Variants in ARHGAP9 observed in about 807,000 individuals in gnomAD.
The protein encoded by ARHGAP9 is rho GTPase-activating protein 9.
Under a neutral mutation model 87.3 loss-of-function variants are expected in ARHGAP9, and 76 were observed. The ratio of observed to expected loss-of-function variants is 0.87; its 90% CI spans 0.72 to 1.05. The LOEUF is 1.05. Among genes scored for constraint, ARHGAP9 ranks in the 50% least tolerant of loss-of-function variants. The probability of loss-of-function intolerance (pLI) is 0.00; values close to 1 mark genes in which losing one functional copy is unlikely to be tolerated. For synonymous variants in ARHGAP9, 382 were observed against 394.9 expected (o/e 0.97, Z 0.39); for missense variants, 941 against 960.5 (o/e 0.98, Z 0.27).
At chr12:57,475,714 G>T (rs1020669924) in intron 10 of ARHGAP9, 99 bp from the exon 11 acceptor site, 189 of 1,548,920 alleles carry the variant, frequency 1.2e-4, no homozygotes, top group Non-Finnish European at 1.6e-4. Flanking sequence ...TCCCGGCCCA[G>T]GCAAGGGCTC....
chr12:57,481,256 C>T (rs1594796208), upstream of ARHGAP9, among the ~76,000 whole-genome samples: 3 of 151,854 alleles, frequency 2.0e-5, no homozygotes, highest in South Asian at 4.1e-4. Flanking sequence ...CTTTCTTCTT[C>T]TCTTTTTTTT....
At chr12:57,476,514 G>A (rs923872917) in intron 7 of ARHGAP9, 60 bp from the exon 8 acceptor site, 24 of 1,610,884 alleles carry the variant, frequency 1.5e-5, no homozygotes, top group Admixed American at 8.3e-5. Flanking sequence ...ATGACACGAG[G>A]AGGGTGCTCT....
At position 57,475,281 on chromosome 12, in the gene ARHGAP9, G is replaced by A. The variant is rs1565613542; in HGVS notation, c.1552+10C>T. On this transcript the variant is annotated intron_variant, in intron 12 of 17. Coordinates refer to ENST00000393791, the MANE Select transcript of ARHGAP9 (RefSeq NM_032496.4). ...TTTTCTTATCCATGAACCTGGCCCA[G>A]CCCCCTCACCTCGGAGCAGACCCCG... is the stretch of plus-strand genomic sequence containing the variant. 25 of 1,576,384 alleles carry A rather than the reference G, an allele frequency of 1.6e-5. No homozygotes were observed. The highest frequency in any genetic ancestry group is 2.2e-5 in the Non-Finnish European group (25 of 1,159,634).
rs1280723864 is a variant in ARHGAP9, at chr12:57,472,495, T to C, written c.*22A>G. On this transcript the variant is annotated 3_prime_UTR_variant, in exon 18 of 18. Transcript: ENST00000393791. ...CCACCAGAGATGACCGGAAATATGT[T>C]TTCTCTTCTTCCTTCCCTGCATCAG... 3 of 1,611,602 alleles carry C rather than the reference T, an allele frequency of 1.9e-6. No homozygotes were observed. The East Asian group carries it at 6.7e-5, about 36-fold the overall frequency.
chr12:57,483,810 C>T (rs181648384), upstream of ARHGAP9: 98 of 419,502 alleles, frequency 2.3e-4, 1 homozygote, highest in East Asian at 6.9e-3. Flanking sequence ...GAGGCTGAGG[C>T]GGGTGGATCA....
chr12:57,484,376 A>C (rs956674555), upstream of ARHGAP9, among the ~76,000 whole-genome samples: 35 of 149,882 alleles, frequency 2.3e-4, no homozygotes, highest in Non-Finnish European at 3.6e-4. Context: ...GCATCTTTTC[A>C]CCCATTAGAG....
rs568703694 is a variant in ARHGAP9 at position 57,475,370 on chromosome 12, G to T, written c.1473C>A (p.Asn491Lys). Reference protein sequence around the residue: ...SIRGPEGTEQNRVRNKLKRLI... With the variant: ...SIRGPEGTEQKRVRNKLKRLI... ...GCCGCTTTAGTTTGTTGCGCACGCG[G>T]TTCTGCTCGGTGCCTTCGGGCCCCC... Residue 491 changes from asparagine (N) to lysine (K), a missense_variant, in exon 12 of 18, where the codon AAC (asparagine) becomes AAA (lysine). By Grantham distance (94) the Asn-to-Lys change is moderately conservative. Coordinates refer to ENST00000393791, the MANE Select transcript of ARHGAP9 (RefSeq NM_032496.4). The T allele has an allele frequency of 1.2e-6, 2 of 1,600,270 alleles. No individual in the cohort carries two copies. Among genetic ancestry groups the T allele is most frequent in the East Asian group, 2.2e-5 (1 of 44,562 alleles).
rs747924330 is a variant in ARHGAP9 at position 57,474,171 on chromosome 12, G to A, written c.1789C>T (p.Arg597Trp). 8 of 1,611,796 alleles carry A rather than the reference G, an allele frequency of 5.0e-6. No homozygotes were observed. Among genetic ancestry groups the A allele is most frequent in the South Asian group, 3.3e-5 (3 of 91,008 alleles). ...VFPEQPGQEG[R>W]LDLDSTEWDD... ...CACTCAGTACTGTCCAAATCTAACC[G>A]ACCTTCTGGAGGGAGAAGGAGGTAT... The change falls in exon 16 of 18, where the codon CGG becomes TGG. Residue 597 changes from arginine (R) to tryptophan (W), a missense_variant. Arg to Trp is a moderately radical substitution (Grantham distance 101). Coordinates refer to ENST00000393791, the MANE Select transcript of ARHGAP9 (RefSeq NM_032496.4).
intron 12 of ARHGAP9, 135 bp downstream of exon 12, chr12:57,475,156 C>T: frequency 3.5e-6 from 4 of 1,150,420 alleles, no homozygotes; most frequent in Non-Finnish European, 4.9e-6. Context: ...GTACAGGTCA[C>T]CCCAGCTTCT....
intron 1 of ARHGAP9, chr12:57,488,031 C>A: frequency 6.9e-7 from 1 of 1,455,120 alleles, no homozygotes; most frequent in Non-Finnish European, 9.6e-7. Context: ...CTCGCGGAGG[C>A]CGCTGAACTC....
intron 3 of ARHGAP9, 168 bp downstream of exon 3, chr12:57,478,372 C>A: frequency 1.4e-6 from 1 of 695,094 alleles, no homozygotes; most frequent in East Asian, 2.7e-5. Flanking sequence ...CGCACCACCT[C>A]AGCCACTCTC....
chr12:57,481,490 A>G (rs1376586932), upstream of ARHGAP9, among the ~76,000 whole-genome samples: 3 of 151,922 alleles, frequency 2.0e-5, no homozygotes, highest in African/African-American at 7.3e-5. Flanking sequence ...TGACCTCGTG[A>G]TCTGCCCACC....
At position 57,479,726 on chromosome 12, in the gene ARHGAP9, G is replaced by GTT. The variant is rs758128518; in HGVS notation, c.-19+3_-19+4insAA. The GTT allele has an allele frequency of 6.6e-5, 102 of 1,550,734 alleles. No individual in the cohort carries two copies. The highest frequency in any genetic ancestry group is 2.9e-4 in the Admixed American group (15 of 50,962). On this transcript the variant is annotated splice_donor_region_variant and intron_variant, in intron 1 of 17. Transcript: ENST00000393791. ...ACCTAGGCCAGTAGTTTTCCTCCAA[G>GTT]TACCTTGTGGGGCCCATCAGAAGAT... is the stretch of plus-strand genomic sequence containing the variant.
chr12:57,482,936 T>TA (rs1169057028), upstream of ARHGAP9, among the ~76,000 whole-genome samples: 3 of 150,834 alleles, frequency 2.0e-5, no homozygotes, highest in Admixed American at 1.3e-4. Flanking sequence ...CCATCTCTAA[T>TA]AAAAATACAA....
At position 57,474,734 on chromosome 12, in the gene ARHGAP9, T is replaced by G. The variant is rs917448795; in HGVS notation, c.1652-31A>C. 5.0e-6 allele frequency: 8 copies of G among 1,613,082 alleles called. No individual in the cohort carries two copies. In the Middle Eastern group the frequency reaches 6.6e-4, roughly 133 times the overall value. ...AGATGAGGAAGGAGTAGATAAGGAC[T>G]GCTGCTTGAAAGTGTGTGTGGTGAG... On this transcript the variant is annotated intron_variant, in intron 13 of 17. Coordinates refer to ENST00000393791, the MANE Select transcript of ARHGAP9 (RefSeq NM_032496.4).
chr12:57,475,197 A>C, intron 12 of ARHGAP9, 94 bp downstream of exon 12: 1 of 1,316,960 alleles, frequency 7.6e-7, no homozygotes, highest in Non-Finnish European at 1.0e-6. Context: ...GTGGGAAAGC[A>C]GCAGTCACAG....
rs548614605 is a variant in ARHGAP9 at position 57,487,834 on chromosome 12, G to A, written c.-204+778C>T. On this transcript the variant is annotated intron_variant, in intron 1 of 20. Coordinates refer to the ARHGAP9 transcript ENST00000393797. ...ACTGCACTTCAGCCCAGGTGACAGA[G>A]GGAGACGCCCTCTCACAAAAAAAAA... 2.1e-5 allele frequency: 10 copies of A among 477,132 alleles called. No individual in the cohort carries two copies. The Admixed American group carries it at 4.1e-4, about 20-fold the overall frequency. 29.6% of individuals were successfully genotyped at this position (477,132 alleles called of 1,614,324 possible).
At chr12:57,484,297 A>G (rs1184712463), upstream of ARHGAP9, among the ~76,000 whole-genome samples, 1 of 150,696 alleles carries the variant, frequency 6.6e-6, no homozygotes, top group Non-Finnish European at 1.5e-5. Flanking sequence ...GGTTGCAGTG[A>G]GCCAAGATTG....
chr12:57,473,848 A>G, intron 16 of ARHGAP9, 140 bp from the exon 17 acceptor site: 5 of 1,192,154 alleles, frequency 4.2e-6, no homozygotes, highest in South Asian at 1.5e-5. Flanking sequence ...TAGCCCAACT[A>G]TAGCCTCATA....
Sources: gnomAD v4.1 joint callset for allele counts (sites outside exome capture counted in the v4.1 genomes callset) on GRCh38, gnomAD v4.1.1 for gene constraint, MANE v1.5 for transcripts, NCBI Gene and HGNC (gene_info 2026-07-23, HGNC 2026-07-21) for gene names.